Variants in RGS7 observed in about 807,000 individuals in gnomAD.
The protein encoded by RGS7 is regulator of G protein signaling 7.
Under a neutral mutation model 81.1 loss-of-function variants are expected in RGS7, and 27 were observed. The observed-to-expected ratio is 0.33, with a 90% confidence interval of 0.25 to 0.46. The LOEUF is 0.46. Among genes scored for constraint, RGS7 ranks in the 20% least tolerant of loss-of-function variants. The pLI is 1.00. For synonymous variants in RGS7, 208 were observed against 207.7 expected, an observed-to-expected ratio of 1.00 and a Z score of -0.01; for missense variants, 396 against 607.4, an observed-to-expected ratio of 0.65 and a Z score of 3.66.
At chr1:240,830,885 C>A (rs1423110947) in intron 9 of RGS7, among the ~76,000 whole-genome samples, 3 of 152,144 alleles carry the variant, frequency 2.0e-5, no homozygotes, top group Non-Finnish European at 4.4e-5. Flanking sequence ...ATCTGACTGT[C>A]AGTCCTGAAG....
intron 14 of RGS7, among the ~76,000 whole-genome samples, chr1:240,811,356 G>A (rs887408773): frequency 6.6e-6 from 1 of 152,200 alleles, no homozygotes; most frequent in African/African-American, 2.4e-5. Context: ...TAAAGATGAT[G>A]TTTACAACAG....
At chr1:241,299,109 C>T (rs1156868770) in intron 2 of RGS7, among the ~76,000 whole-genome samples, 1 of 152,166 alleles carries the variant, frequency 6.6e-6, no homozygotes, top group Non-Finnish European at 1.5e-5. Flanking sequence ...TTAATTTTAA[C>T]GCTACTATGT....
At chr1:241,028,881 C>G (rs1200773394) in intron 3 of RGS7, among the ~76,000 whole-genome samples, 1 of 152,122 alleles carries the variant, frequency 6.6e-6, no homozygotes, top group East Asian at 1.9e-4. Flanking sequence ...CCTGTTGACA[C>G]AGAAGACCCA....
At chr1:241,335,347 T>A (rs1209392356) in intron 2 of RGS7, among the ~76,000 whole-genome samples, 1 of 152,334 alleles carries the variant, frequency 6.6e-6, no homozygotes, top group African/African-American at 2.4e-5. Context: ...TAGTTCTATG[T>A]ACTTTCCACT....
chr1:241,075,685 T>A (rs572075933), intron 3 of RGS7, among the ~76,000 whole-genome samples: 1 of 152,344 alleles, frequency 6.6e-6, no homozygotes, highest in African/African-American at 2.4e-5. Flanking sequence ...CTGGGCCACA[T>A]GCAGCCTGTG....
At chr1:241,221,561 G>A (rs568092960) in intron 2 of RGS7, among the ~76,000 whole-genome samples, 22 of 152,220 alleles carry the variant, frequency 1.4e-4, no homozygotes, top group Non-Finnish European at 2.8e-4. Flanking sequence ...GCTTGGCTGG[G>A]CGACAACGCC....
chr1:241,148,982 T>G (rs1266725419), intron 2 of RGS7, among the ~76,000 whole-genome samples: 1 of 152,224 alleles, frequency 6.6e-6, no homozygotes, highest in Non-Finnish European at 1.5e-5. Context: ...CTAAAACACC[T>G]TCACACTCCA....
chr1:241,308,789 GC>G (rs1478603097), intron 2 of RGS7, among the ~76,000 whole-genome samples: 1 of 152,148 alleles, frequency 6.6e-6, no homozygotes, highest in African/African-American at 2.4e-5. Context: ...ACTTGGTTCA[GC>G]AAAGAAAAGA....
intron 2 of RGS7, among the ~76,000 whole-genome samples, chr1:241,203,515 C>G (rs916060235): frequency 2.0e-5 from 3 of 152,174 alleles, no homozygotes; most frequent in Non-Finnish European, 4.4e-5. Flanking sequence ...CAGGTGTGAG[C>G]CACCGTGCCC....
intron 2 of RGS7, 105 bp downstream of exon 2, chr1:241,355,594 A>C (rs761792110): frequency 2.1e-6 from 2 of 970,736 alleles, no homozygotes; most frequent in Non-Finnish European, 3.4e-6. Context: ...ATGATCTGGG[A>C]AATCCACAAG....
chr1:241,041,118 A>G (rs186139283), intron 3 of RGS7, among the ~76,000 whole-genome samples: 1 of 152,340 alleles, frequency 6.6e-6, no homozygotes, highest in East Asian at 1.9e-4. Context: ...TATTCTGATT[A>G]TTACCTTTTG....
chr1:240,988,027 T>C (rs190839442), intron 3 of RGS7, among the ~76,000 whole-genome samples: 130 of 152,198 alleles, frequency 8.5e-4, no homozygotes, highest in African/African-American at 3.0e-3. Context: ...AGAAAGAATG[T>C]CTAGCGAAGC....
chr1:240,829,191 T>A (rs568596286), intron 9 of RGS7, among the ~76,000 whole-genome samples: 4 of 152,102 alleles, frequency 2.6e-5, no homozygotes, highest in African/African-American at 9.6e-5. Flanking sequence ...ACACACACAC[T>A]GTACTACAAA....
At chr1:241,055,096 T>C (rs958297155) in intron 3 of RGS7, among the ~76,000 whole-genome samples, 6 of 152,142 alleles carry the variant, frequency 3.9e-5, no homozygotes, top group African/African-American at 1.4e-4. Flanking sequence ...TGTGATGCTT[T>C]TTAATTTTAA....
chr1:240,819,206 G>T (rs1176801514), intron 10 of RGS7, among the ~76,000 whole-genome samples: 1 of 151,738 alleles, frequency 6.6e-6, no homozygotes, highest in Non-Finnish European at 1.5e-5. Flanking sequence ...TTTTAACTTG[G>T]TTTAATTATT....
chr1:241,036,033 A>G (rs1482614886), intron 3 of RGS7, among the ~76,000 whole-genome samples: 1 of 152,180 alleles, frequency 6.6e-6, no homozygotes, highest in Non-Finnish European at 1.5e-5. Context: ...CAAGCCTCTC[A>G]AAGTACCCAG....
intron 3 of RGS7, among the ~76,000 whole-genome samples, chr1:241,017,582 G>A (rs1395049279): frequency 6.6e-6 from 1 of 150,960 alleles, no homozygotes; most frequent in African/African-American, 2.5e-5. Flanking sequence ...GCCAGACATA[G>A]AATTATAGGT....
At chr1:240,962,943 G>C (rs1312437927) in intron 4 of RGS7, among the ~76,000 whole-genome samples, 2 of 152,160 alleles carry the variant, frequency 1.3e-5, no homozygotes, top group African/African-American at 2.4e-5. Context: ...ACGCTTGTTT[G>C]AACATTATCC....
chr1:241,161,484 T>C (rs566462150), intron 2 of RGS7, among the ~76,000 whole-genome samples: 53 of 147,506 alleles, frequency 3.6e-4, no homozygotes, highest in African/African-American at 1.3e-3. Context: ...TAATAACTAA[T>C]ATATAATAAT....
Sources: allele counts gnomAD v4.1 joint callset (sites outside exome capture counted in the v4.1 genomes callset), GRCh38; gene constraint gnomAD v4.1.1; transcripts MANE v1.5; gene names NCBI Gene and HGNC (gene_info 2026-07-23, HGNC 2026-07-21).